PCDHA9: variants seen among roughly 807,000 people sequenced by gnomAD.
PCDHA9 encodes the protein protocadherin alpha 9.
Under a neutral mutation model 62.0 loss-of-function variants are expected in PCDHA9, and 62 were observed. The observed-to-expected ratio is 1.00, with a 90% confidence interval of 0.81 to 1.23. PCDHA9 has a LOEUF of 1.23. Ranked by LOEUF, PCDHA9 falls within the 50% of genes most tolerant of loss-of-function variation. The pLI is 0.00. For synonymous variants in PCDHA9, 557 were observed against 567.6 expected, an observed-to-expected ratio of 0.98 and a Z score of 0.27; for missense variants, 1,205 against 1,249.8, an observed-to-expected ratio of 0.96 and a Z score of 0.54.
At chr5:140,926,139 C>A (rs1434952263) in intron 1 of PCDHA9, among the ~76,000 whole-genome samples, 11 of 152,088 alleles carry the variant, frequency 7.2e-5, no homozygotes, top group Non-Finnish European at 1.5e-4. Flanking sequence ...GCAGCAGGAT[C>A]CAGCGCGGAA....
At chr5:140,900,438 C>G (rs573115268) in intron 1 of PCDHA9, among the ~76,000 whole-genome samples, 1 of 152,116 alleles carries the variant, frequency 6.6e-6, no homozygotes, top group East Asian at 1.9e-4. Context: ...CCACCACGGC[C>G]GGCTAATTTT....
At chr5:140,876,098 A>G in intron 1 of PCDHA9, 2 of 1,613,962 alleles carry the variant, frequency 1.2e-6, no homozygotes, top group Non-Finnish European at 1.7e-6. Flanking sequence ...CCAAAACTCA[A>G]TTTATTGCTG....
intron 1 of PCDHA9, among the ~76,000 whole-genome samples, chr5:140,910,796 C>T (rs2075173732): frequency 6.6e-6 from 1 of 152,112 alleles, no homozygotes; most frequent in South Asian, 2.1e-4. Flanking sequence ...ATGCAGAATC[C>T]CTGCTTAGTG....
intron 1 of PCDHA9, among the ~76,000 whole-genome samples, chr5:140,893,566 C>T (rs1283289530): frequency 6.6e-6 from 1 of 152,156 alleles, no homozygotes; most frequent in African/African-American, 2.4e-5. Flanking sequence ...AGTGTACTTC[C>T]TCAGTTTTTG....
At chr5:140,985,000 C>T (rs1237251178) in intron 3 of PCDHA9, among the ~76,000 whole-genome samples, 5 of 151,948 alleles carry the variant, frequency 3.3e-5, no homozygotes, top group Non-Finnish European at 7.4e-5. Context: ...TCCAGTGGCA[C>T]GATATCGGCT....
chr5:140,967,146 A>C, intron 1 of PCDHA9: 1 of 1,610,972 alleles, frequency 6.2e-7, no homozygotes, highest in Non-Finnish European at 8.5e-7. Flanking sequence ...CTGGCGCACA[A>C]CCCCGTGGCG....
intron 1 of PCDHA9, among the ~76,000 whole-genome samples, chr5:140,947,645 A>AT (rs2094157342): frequency 6.6e-6 from 1 of 151,670 alleles, no homozygotes; most frequent in East Asian, 1.9e-4. Context: ...GTATGAACAT[A>AT]TATACCTCCA....
At chr5:140,928,508 T>G in intron 1 of PCDHA9, 1 of 1,614,174 alleles carries the variant, frequency 6.2e-7, no homozygotes, top group Non-Finnish European at 8.5e-7. Flanking sequence ...AGTGCAACAG[T>G]GACTATAAAC....
chr5:140,947,194 G>A (rs2094102779), intron 1 of PCDHA9, among the ~76,000 whole-genome samples: 1 of 151,018 alleles, frequency 6.6e-6, no homozygotes, highest in Admixed American at 6.6e-5. Context: ...ATACTACACA[G>A]CCTTAAAAAA....
intron 1 of PCDHA9, among the ~76,000 whole-genome samples, chr5:140,946,108 T>C (rs782062288): frequency 2.0e-5 from 3 of 151,938 alleles, no homozygotes; most frequent in Non-Finnish European, 4.4e-5. Context: ...ATACCAAATA[T>C]ATAAGGAACT....
At chr5:140,884,137 C>T (rs782067447) in intron 1 of PCDHA9, 4 of 1,613,402 alleles carry the variant, frequency 2.5e-6, no homozygotes, top group Middle Eastern at 1.7e-4. Context: ...TCCCGTTCCG[C>T]GTGGGGCTGT....
intron 1 of PCDHA9, among the ~76,000 whole-genome samples, chr5:140,964,719 C>T (rs1042863318): frequency 1.3e-5 from 2 of 151,420 alleles, no homozygotes; most frequent in Non-Finnish European, 2.9e-5. Flanking sequence ...ATCAAATTAC[C>T]ACAGCAAACT....
chr5:140,985,060 C>T (rs1377386395), intron 3 of PCDHA9, among the ~76,000 whole-genome samples: 2 of 152,066 alleles, frequency 1.3e-5, no homozygotes, highest in Admixed American at 6.5e-5. Flanking sequence ...GCCTCAGCCT[C>T]CTGAGTAGCT....
At position 140,876,514 on chromosome 5, in the gene PCDHA9, C is replaced by T. The variant is rs782076196; in HGVS notation, c.2394+25625C>T. ...AGTTCTGGACGTGAATGACAATGTC[C>T]CTGAAGTAATGGTTACTTCACTGTC... On this transcript the variant is annotated intron_variant, in intron 1 of 3. Coordinates refer to ENST00000532602, the MANE Select transcript of PCDHA9 (RefSeq NM_031857.2). 2.5e-6 allele frequency: 4 copies of T among 1,614,026 alleles called. No homozygotes were observed. In the Admixed American group the frequency reaches 6.7e-5, roughly 27 times the overall value.
Position 140,848,891 on chromosome 5 carries a change from G to A in PCDHA9, c.396G>A (p.Val132=). The A allele has an allele frequency of 6.2e-7, 1 of 1,600,726 alleles. No homozygotes were observed. The highest frequency in any genetic ancestry group is 1.1e-5 in the South Asian group (1 of 90,504). Residue 132 remains valine, a synonymous_variant, in exon 1 of 4, where the codon GTG becomes GTA. Coordinates refer to ENST00000532602, the MANE Select transcript of PCDHA9 (RefSeq NM_031857.2). ...EVKDINDNPP[V]FPATQKNLFI... ...AGGACATTAACGACAACCCTCCAGT[G>A]TTCCCAGCGACACAAAAGAATCTGT...
chr5:140,972,350 A>G (rs897251940), intron 1 of PCDHA9, among the ~76,000 whole-genome samples: 3 of 150,008 alleles, frequency 2.0e-5, no homozygotes, highest in Admixed American at 1.3e-4. Flanking sequence ...GGGTCTCACT[A>G]TGTTGCACAT....
chr5:140,851,923 T>G, intron 1 of PCDHA9: 1 of 967,860 alleles, frequency 1.0e-6, no homozygotes, highest in Non-Finnish European at 1.2e-6. Flanking sequence ...CATGTTATGT[T>G]TCCTGAATTG....
rs545409584 is a variant in PCDHA9, at chr5:140,952,105, G to A, written c.2395-26844G>A. 3.3e-5 allele frequency among the ~76,000 whole-genome samples: 5 copies of A among 152,218 alleles called. 1 individual carries two copies. Among genetic ancestry groups the A allele is most frequent in the African/African-American group, 4.8e-5 (2 of 41,536 alleles). ...CATGTCTCACATCCAGGGCACACTC[G>A]TGTGAGGGATGGGCTCCCAAGGCCT... is the stretch of plus-strand genomic sequence containing the variant. On this transcript the variant is annotated intron_variant, in intron 1 of 3. Coordinates refer to ENST00000532602, the MANE Select transcript of PCDHA9 (RefSeq NM_031857.2).
intron 1 of PCDHA9, chr5:140,875,900 C>G (rs1554168051): frequency 1.2e-6 from 2 of 1,614,174 alleles, no homozygotes; most frequent in South Asian, 2.2e-5. Flanking sequence ...GTACCTGTTT[C>G]TGAATCTGCG....
Sources: allele counts gnomAD v4.1 joint callset (sites outside exome capture counted in the v4.1 genomes callset), GRCh38; gene constraint gnomAD v4.1.1; transcripts MANE v1.5; gene names NCBI Gene and HGNC (gene_info 2026-07-23, HGNC 2026-07-21).